FXYD1: variants seen among roughly 807,000 people sequenced by gnomAD.
FXYD1 encodes FXYD domain containing ion transport regulator 1.
FXYD1 carries 9 observed loss-of-function variants against 17.2 expected under a neutral mutation model. The observed-to-expected ratio is 0.52, with a 90% CI of 0.32 to 0.91. The LOEUF (loss-of-function observed/expected upper bound fraction) is 0.91. Among genes scored for constraint, FXYD1 ranks in the 40% least tolerant of loss-of-function variants. The pLI, the probability that FXYD1 is intolerant of heterozygous loss-of-function variation, is 0.04. For missense variants in FXYD1, 113 were observed against 120.6 expected (o/e 0.94, Z 0.29); for synonymous variants, 55 against 45.8 (o/e 1.20, Z -0.81).
intron 2 of FXYD1, 34 bp downstream of exon 2, chr19:35,140,174 C>T (rs770210112): frequency 8.2e-7 from 1 of 1,223,234 alleles, no homozygotes; most frequent in South Asian, 1.2e-5. Flanking sequence ...CTACCCACCT[C>T]AGCCCCAGGG....
intron 3 of FXYD1, 74 bp downstream of exon 3, chr19:35,140,703 C>T (rs745789289): frequency 1.7e-6 from 2 of 1,202,528 alleles, no homozygotes; most frequent in African/African-American, 1.5e-5. Context: ...CCCTCGCCCT[C>T]CCCCAGAGTC....
intron 5 of FXYD1, 139 bp from the exon 6 acceptor site, chr19:35,142,333 G>A: frequency 1.5e-6 from 1 of 679,078 alleles, no homozygotes; most frequent in Non-Finnish European, 2.6e-6. Flanking sequence ...CTCATTTCTG[G>A]CGGACCCCGA....
chr19:35,141,140 T>G lies in FXYD1; in HGVS notation c.103T>G (p.Ser35Ala). 6.2e-7 allele frequency: 1 copy of G among 1,605,748 alleles called. No individual in the cohort carries two copies. Among genetic ancestry groups the G allele is most frequent in the South Asian group, 1.1e-5 (1 of 90,896 alleles). ...EHDPFTYDYQ[S>A]LQIGGLVIAG... is the part of the protein sequence containing the mutation. ...TGCTCTGCTGCTCACAGACTACCAG[T>G]CCCTGCAGATCGGAGGCCTCGTCAT... Residue 35 changes from serine (S) to alanine (A), a missense_variant, in exon 4 of 8, where the codon TCC becomes GCC. By Grantham distance (99) the Ser-to-Ala change is moderately conservative. Transcript: ENST00000351325.
chr19:35,140,470 G>C, intron 2 of FXYD1, 127 bp from the exon 3 acceptor site: 1 of 834,412 alleles, frequency 1.2e-6, no homozygotes, highest in Non-Finnish European at 2.0e-6. Flanking sequence ...CCCAGAGAGT[G>C]TGGGCAGCCT....
At chr19:35,142,347 T>C in intron 5 of FXYD1, 125 bp from the exon 6 acceptor site, 1 of 725,218 alleles carries the variant, frequency 1.4e-6, no homozygotes, top group Admixed American at 2.6e-5. Context: ...ACCCCGAGCC[T>C]GCTCTTCGTC....
intron 7 of FXYD1, 71 bp from the exon 8 acceptor site, chr19:35,142,846 C>T (rs1245892227): frequency 3.4e-6 from 4 of 1,180,746 alleles, no homozygotes; most frequent in East Asian, 4.9e-5. Context: ...GGGCCAAGTG[C>T]CAGAGTTGAA....
intron 4 of FXYD1, 84 bp from the exon 5 acceptor site, chr19:35,141,452 T>C (rs1292709826): frequency 2.2e-6 from 2 of 919,188 alleles, no homozygotes; most frequent in Admixed American, 2.4e-5. Context: ...GCCCCGCCCC[T>C]CGCGAGGGCG....
In FXYD1 at chr19:35,140,649, T is replaced by C. The variant is rs558606235; in HGVS notation, c.94+20T>C. On this transcript the variant is annotated intron_variant, in intron 3 of 7. Coordinates refer to ENST00000351325, the MANE Select transcript of FXYD1 (RefSeq NM_021902.4). ...CTTACGGTGAGCGGGGGGTCTAATT[T>C]TGAGTCCTGGGGGAGAGCCTGGCTT... 1 of 1,611,266 alleles carries C rather than the reference T, an allele frequency of 6.2e-7. No homozygotes were observed. The highest frequency in any genetic ancestry group is 1.1e-5 in the South Asian group (1 of 90,962).
In FXYD1 at chr19:35,143,084, A is replaced by G. The variant is rs2065272634; in HGVS notation, c.*197A>G. 2 of 551,860 alleles carry G rather than the reference A, an allele frequency of 3.6e-6. No individual in the cohort carries two copies. Among genetic ancestry groups the G allele is most frequent in the Non-Finnish European group, 6.4e-6 (2 of 314,946 alleles). The allele number at this position is 551,860 out of a possible 1,614,324, so 34.2% of individuals were successfully genotyped here. A position where few individuals can be genotyped will look rare whatever the true frequency, so the allele number is the denominator to read the frequency against. On this transcript the variant is annotated 3_prime_UTR_variant, in exon 8 of 8. Coordinates refer to ENST00000351325, the MANE Select transcript of FXYD1 (RefSeq NM_021902.4). The surrounding 1 kb of genome is among the most constrained non-coding windows in gnomAD (Gnocchi z 4.3). The stretch of plus-strand genomic sequence containing the variant: ...TGTCGGTCTCGGTCCCTCAGCGCGA[A>G]ACGCCAGCGCCACTGGGCCCCAGCA...
Position 35,141,191 on chromosome 19 carries a change from A to T in FXYD1, c.154A>T (p.Ile52Phe). The part of the protein sequence containing the change: ...VIAGILFILG[I>F]LIVLSRRCRC... ...CGCCGGGATCCTCTTCATCCTGGGC[A>T]TCCTCATCGTGCTGAGTGAGTGCCC... The change falls in exon 4 of 8, where the codon ATC becomes TTC. Residue 52 changes from isoleucine to phenylalanine, a missense_variant. By Grantham distance (21) the Ile-to-Phe change is conservative. Coordinates refer to ENST00000351325, the MANE Select transcript of FXYD1 (RefSeq NM_021902.4). 1 of 1,606,144 alleles carries T rather than the reference A, an allele frequency of 6.2e-7. No homozygotes were observed. Among genetic ancestry groups the T allele is most frequent in the Non-Finnish European group, 8.5e-7 (1 of 1,174,060 alleles).
chr19:35,141,886 C>A (rs891360567), intron 5 of FXYD1, among the ~76,000 whole-genome samples: 2 of 152,244 alleles, frequency 1.3e-5, no homozygotes, highest in Admixed American at 6.5e-5. Context: ...TCATCTCACA[C>A]GCGGCCCAGT....
At chr19:35,142,558 G>A (rs201764718) in intron 6 of FXYD1, 37 bp downstream of exon 6, 2 of 1,601,728 alleles carry the variant, frequency 1.2e-6, no homozygotes, top group Admixed American at 1.7e-5. Flanking sequence ...CTGGGGAGAG[G>A]GCTGGTTCCA....
At chr19:35,142,383 C>T in intron 5 of FXYD1, 89 bp from the exon 6 acceptor site, 2 of 1,009,320 alleles carry the variant, frequency 2.0e-6, no homozygotes, top group South Asian at 1.5e-5. Flanking sequence ...TTACACCAAT[C>T]TGGGAAAGGA....
In FXYD1 at chr19:35,139,858, G is replaced by T. The variant is rs1006888990; in HGVS notation, c.-4-218G>T. 1.3e-5 allele frequency: 7 copies of T among 530,434 alleles called. No individual in the cohort carries two copies. In the East Asian group the frequency reaches 1.9e-4, roughly 14 times the overall value. 32.9% of individuals were successfully genotyped at this position (530,434 alleles called of 1,614,324 possible). On this transcript the variant is annotated intron_variant, in intron 1 of 7. Coordinates refer to ENST00000351325, the MANE Select transcript of FXYD1 (RefSeq NM_021902.4). ...TGTGTCTCACCCCCGTCCCTGCTAC[G>T]TTGTGTTGTTGTGTGATCCCATCGT...
At chr19:35,139,824 C>T (rs752357546) in intron 1 of FXYD1, 18 of 442,030 alleles carry the variant, frequency 4.1e-5, no homozygotes, top group African/African-American at 2.6e-4. Flanking sequence ...GGAGGCCCCC[C>T]GGGGACTGTG....
chr19:35,139,783 G>A (rs564984996), intron 1 of FXYD1: 13 of 357,234 alleles, frequency 3.6e-5, no homozygotes, highest in Admixed American at 2.4e-4. Flanking sequence ...TCTGGGAATC[G>A]GGGGCCTGCT....
At chr19:35,140,389 G>A (rs1600484604) in intron 2 of FXYD1, among the ~76,000 whole-genome samples, 1 of 152,098 alleles carries the variant, frequency 6.6e-6, no homozygotes, top group East Asian at 1.9e-4. Context: ...ACAGCCTGCC[G>A]TGAGTCAGGG....
chr19:35,141,709 C>G (rs748194734), intron 5 of FXYD1, 137 bp downstream of exon 5: 1 of 682,458 alleles, frequency 1.5e-6, no homozygotes, highest in Non-Finnish European at 2.4e-6. Context: ...TGCCATGGCC[C>G]AAGCCTGGCC....
At chr19:35,140,450 G>T (rs1405928518) in intron 2 of FXYD1, 147 bp from the exon 3 acceptor site, 8 of 739,258 alleles carry the variant, frequency 1.1e-5, no homozygotes, top group Admixed American at 2.0e-5. Flanking sequence ...TGCAGAGGGG[G>T]CAGCTGGGAC....
Sources: allele counts gnomAD v4.1 joint callset (sites outside exome capture counted in the v4.1 genomes callset), GRCh38; gene constraint gnomAD v4.1.1; non-coding constraint Gnocchi (gnomAD v3.1); transcripts MANE v1.5; gene names NCBI Gene and HGNC (gene_info 2026-07-23, HGNC 2026-07-21).